The following ZNF407 variants were observed in gnomAD, a reference collection of about 807,000 sequenced individuals.
ZNF407 encodes zinc finger protein 407.
A neutral mutation model predicts 131.2 loss-of-function variants in ZNF407; 17 were observed. The ratio of observed to expected loss-of-function variants is 0.13; its 90% confidence interval spans 0.09 to 0.19. ZNF407 has a LOEUF of 0.19. ZNF407 is among the 10% of genes least tolerant of loss of function. ZNF407 has a pLI of 1.00. For missense variants in ZNF407, 2,681 were observed against 2,830.6 expected (o/e 0.95, Z 1.20); for synonymous variants, 1,156 against 1,062.0 (o/e 1.09, Z -1.72).
intron 8 of ZNF407, among the ~76,000 whole-genome samples, chr18:75,005,105 A>G (rs1165964382): frequency 1.3e-5 from 2 of 152,228 alleles, no homozygotes; most frequent in Non-Finnish European, 2.9e-5. Context: ...TCAGCCTCCC[A>G]TAAAAATAAA....
intron 3 of ZNF407, among the ~76,000 whole-genome samples, chr18:74,678,428 G>A (rs1200431530): frequency 1.3e-5 from 2 of 152,054 alleles, no homozygotes; most frequent in African/African-American, 4.8e-5. Context: ...CCCCCACATT[G>A]GCCTGCCTGC....
chr18:74,946,685 A>T (rs1272748388), intron 8 of ZNF407, among the ~76,000 whole-genome samples: 1 of 152,170 alleles, frequency 6.6e-6, no homozygotes. Flanking sequence ...CATGATTTGA[A>T]TGATTTGATT....
chr18:74,614,542 A>T (rs577929403), intron 1 of ZNF407, among the ~76,000 whole-genome samples: 33 of 152,178 alleles, frequency 2.2e-4, no homozygotes, highest in African/African-American at 8.0e-4. Context: ...TTCAGTGGAT[A>T]TTCGTTTTTT....
At chr18:74,777,808 G>T (rs959585257) in intron 3 of ZNF407, among the ~76,000 whole-genome samples, 1 of 152,018 alleles carries the variant, frequency 6.6e-6, no homozygotes, top group South Asian at 2.1e-4. Context: ...GAGGCTAGGT[G>T]TGGTGGCTCA....
intron 8 of ZNF407, among the ~76,000 whole-genome samples, chr18:74,972,803 T>C (rs1288917090): frequency 6.6e-6 from 1 of 152,252 alleles, no homozygotes; most frequent in Non-Finnish European, 1.5e-5. Context: ...TATCTCATTT[T>C]ATCCTTTTAC....
At chr18:74,685,756 C>T (rs998710381) in intron 3 of ZNF407, among the ~76,000 whole-genome samples, 1 of 152,186 alleles carries the variant, frequency 6.6e-6, no homozygotes, top group African/African-American at 2.4e-5. Flanking sequence ...TAATTCTTCC[C>T]CTCCTCTGAG....
chr18:74,662,694 A>T (rs1202705982), intron 3 of ZNF407, among the ~76,000 whole-genome samples: 1 of 152,240 alleles, frequency 6.6e-6, no homozygotes, highest in East Asian at 1.9e-4. Context: ...AATGCATTCA[A>T]CCAGTAGGAT....
At chr18:74,705,611 CA>C (rs746078558) in intron 3 of ZNF407, among the ~76,000 whole-genome samples, 1 of 152,098 alleles carries the variant, frequency 6.6e-6, no homozygotes, top group Non-Finnish European at 1.5e-5. Flanking sequence ...TTATAAAAAA[CA>C]TTTTTTTAGT....
chr18:74,718,205 GC>G lies in ZNF407; in HGVS notation c.4803-63214del, dbSNP rs33924277. ...CAAAAGATTCCTGTGCTTTTTTGCA[GC>G]CCCCCCCCTCCCCTTCCTGGCTGCC... On this transcript the variant is annotated intron_variant, in intron 3 of 8. Transcript: ENST00000299687. Among the ~76,000 whole-genome samples the G allele has an allele frequency of 2.3e-3, 340 of 148,426 alleles. 1 individual carries two copies. The highest frequency in any genetic ancestry group is 7.9e-3 in the African/African-American group (311 of 39,490).
intron 3 of ZNF407, among the ~76,000 whole-genome samples, chr18:74,696,245 G>T (rs1005037894): frequency 6.6e-6 from 1 of 152,154 alleles, no homozygotes; most frequent in African/African-American, 2.4e-5. Flanking sequence ...CTGTTAGCTT[G>T]TTACTTTTGG....
At chr18:74,932,212 A>G (rs1269950972) in intron 8 of ZNF407, among the ~76,000 whole-genome samples, 1 of 152,232 alleles carries the variant, frequency 6.6e-6, no homozygotes, top group Non-Finnish European at 1.5e-5. Flanking sequence ...CATATTTTGT[A>G]TAACATATAA....
chr18:74,734,887 T>G (rs1221795089), intron 3 of ZNF407, among the ~76,000 whole-genome samples: 1 of 152,186 alleles, frequency 6.6e-6, no homozygotes, highest in Non-Finnish European at 1.5e-5. Context: ...CCATAAATTT[T>G]CTTTCTAGCA....
chr18:74,878,483 G>A (rs1034945684), intron 5 of ZNF407, among the ~76,000 whole-genome samples: 4 of 152,040 alleles, frequency 2.6e-5, no homozygotes, highest in East Asian at 1.9e-4. Context: ...CACTTATATC[G>A]AACAGCAGAT....
chr18:74,817,955 T>TA (rs1970290124), intron 4 of ZNF407, among the ~76,000 whole-genome samples: 1 of 152,220 alleles, frequency 6.6e-6, no homozygotes, highest in South Asian at 2.1e-4. Flanking sequence ...CGGCCCTTCA[T>TA]AGCTATTGTA....
chr18:75,039,801 G>T (rs1460320417), intron 8 of ZNF407, among the ~76,000 whole-genome samples: 1 of 143,690 alleles, frequency 7.0e-6, no homozygotes, highest in Non-Finnish European at 1.5e-5. Flanking sequence ...TTGAGTTAAT[G>T]CAGGTTATAG....
chr18:74,878,822 A>G (rs753470139), intron 5 of ZNF407, among the ~76,000 whole-genome samples: 2 of 151,980 alleles, frequency 1.3e-5, no homozygotes, highest in African/African-American at 2.4e-5. Flanking sequence ...TTTTTTCTTA[A>G]AATTTTTTTT....
intron 4 of ZNF407, among the ~76,000 whole-genome samples, chr18:74,802,751 C>T (rs1457616581): frequency 1.3e-5 from 2 of 152,058 alleles, no homozygotes; most frequent in Non-Finnish European, 2.9e-5. Flanking sequence ...ATTTTTATGT[C>T]GCTTAGTTTT....
In ZNF407 at chr18:75,059,611, A is replaced by G. The variant is rs533522268; in HGVS notation, c.5429-3539A>G. Reference sequence around the variant, plus strand: ...GTTGGGGAGAAATTGCAAGCATACCAGAGAAAGAATGTGTCAAATACAGGA... The same window carrying G: ...GTTGGGGAGAAATTGCAAGCATACCGGAGAAAGAATGTGTCAAATACAGGA... On this transcript the variant is annotated intron_variant, in intron 8 of 8. Coordinates refer to ENST00000299687, the MANE Select transcript of ZNF407 (RefSeq NM_017757.3). Among the ~76,000 whole-genome samples the G allele has an allele frequency of 9.2e-5, 14 of 152,320 alleles. 1 individual carries two copies. In the South Asian group the frequency reaches 1.7e-3, roughly 18 times the overall value.
At chr18:74,839,800 A>G (rs769812322) in intron 4 of ZNF407, among the ~76,000 whole-genome samples, 1 of 152,176 alleles carries the variant, frequency 6.6e-6, no homozygotes, top group Non-Finnish European at 1.5e-5. Flanking sequence ...CCAAGAGATT[A>G]TGGGAATTAG....
Sources: allele counts gnomAD v4.1 joint callset (sites outside exome capture counted in the v4.1 genomes callset), GRCh38; gene constraint gnomAD v4.1.1; transcripts MANE v1.5; gene names NCBI Gene and HGNC (gene_info 2026-07-23, HGNC 2026-07-21).